PCNX2: variants seen among roughly 807,000 people sequenced by gnomAD.
The protein encoded by PCNX2 is pecanex-like protein 2.
Under a neutral mutation model 223.8 loss-of-function variants are expected in PCNX2, and 168 were observed. That is an observed-to-expected ratio of 0.75 (90% CI 0.66 to 0.85). The LOEUF (loss-of-function observed/expected upper bound fraction) is 0.85, where lower values mean the gene tolerates loss of function less well. PCNX2 is among the 40% of genes least tolerant of loss of function. PCNX2 has a pLI of 0.00. For synonymous variants in PCNX2, 1,006 were observed against 1,052.6 expected (o/e 0.96, Z 0.86); for missense variants, 2,507 against 2,675.5 (o/e 0.94, Z 1.39).
Position 232,986,379 on chromosome 1 carries a change from G to C in PCNX2, c.5953C>G (p.Leu1985Val). Residue 1985 changes from leucine (L) to valine (V), a missense_variant, in exon 33 of 34, where the codon CTC becomes GTC. Coordinates refer to ENST00000258229, the MANE Select transcript of PCNX2 (RefSeq NM_014801.4). Reference protein sequence around the residue: ...ELAQRLSGSRLSLHASATSLH... With the variant: ...ELAQRLSGSRVSLHASATSLH... ...GACGTGGCCGAGGCGTGCAAGGAGA[G>C]CCGGCTGCCCGAGAGCCTCTGGGCC... The C allele has an allele frequency of 1.2e-6, 2 of 1,603,444 alleles. No homozygotes were observed. The highest frequency in any genetic ancestry group is 1.7e-6 in the Non-Finnish European group (2 of 1,174,842).
chr1:233,241,152 AG>A (rs1658737358), intron 8 of PCNX2: 2 of 981,702 alleles, frequency 2.0e-6, no homozygotes, highest in Non-Finnish European at 2.4e-6. Flanking sequence ...GAATTTTAAC[AG>A]GGATTCTTGT....
chr1:233,299,120 C>G (rs760453106), upstream of PCNX2, among the ~76,000 whole-genome samples: 18 of 152,158 alleles, frequency 1.2e-4, no homozygotes, highest in Non-Finnish European at 1.6e-4. Context: ...GCAATTCCTT[C>G]CATTGTGCCT....
chr1:233,314,651 T>C, the PCNX2 span, among the ~76,000 whole-genome samples: 161 of 152,282 alleles, frequency 1.1e-3, no homozygotes, highest in Middle Eastern at 3.4e-3. Context: ...ATATTCTGTA[T>C]AAATGGAAGC....
chr1:232,999,313 G>C lies in PCNX2; in HGVS notation c.5395C>G (p.Arg1799Gly). 1.2e-6 allele frequency: 2 copies of C among 1,606,974 alleles called. No individual in the cohort carries two copies. The highest frequency in any genetic ancestry group is 1.7e-4 in the Middle Eastern group (1 of 5,992). The change falls in exon 31 of 34, where the codon CGC (arginine) becomes GGC (glycine). Residue 1799 changes from arginine to glycine, a missense_variant. Physicochemically the swap from Arg to Gly is moderately radical, Grantham distance 125. Around this residue, in one of 3 missense-constraint regions of PCNX2, gnomAD observed 1,372 missense variants for 1,509.4 expected, o/e 0.91. Transcript: ENST00000258229. ...TGGATACTGCCGCGCTCCGGATTGC[G>C]GTTGCGAAGAAATATAAGCTCCTGC... is the stretch of plus-strand genomic sequence containing the variant. The part of the protein sequence containing the change: ...QQQELIFLRN[R>G]NPERGSIQNN...
At chr1:233,211,532 G>A (rs1046166032) in intron 12 of PCNX2, among the ~76,000 whole-genome samples, 1 of 152,042 alleles carries the variant, frequency 6.6e-6, no homozygotes, top group Admixed American at 6.6e-5. Context: ...CCTACTTCAA[G>A]TGTATTCATG....
At chr1:233,154,493 T>G (rs1452498292) in intron 19 of PCNX2, among the ~76,000 whole-genome samples, 2 of 152,214 alleles carry the variant, frequency 1.3e-5, no homozygotes, top group Admixed American at 1.3e-4. Context: ...CAAACTACCC[T>G]TTACTTCAAG....
At chr1:233,074,594 CAAAAAAAAAAAAAAA>C (rs531631109) in intron 23 of PCNX2, among the ~76,000 whole-genome samples, 2 of 47,702 alleles carry the variant, frequency 4.2e-5, no homozygotes, top group East Asian at 1.6e-3. Context: ...GACTCCGTCT[CAAAAAAAAAAAAAAA>C]AAAAAAAAAA....
the PCNX2 span, among the ~76,000 whole-genome samples, chr1:233,318,167 A>T: frequency 6.6e-6 from 1 of 152,224 alleles, no homozygotes; most frequent in Non-Finnish European, 1.5e-5. Context: ...CTATTGAGCT[A>T]CTAATAATCT....
At chr1:233,267,943 G>C (rs762254194) in intron 1 of PCNX2, among the ~76,000 whole-genome samples, 1 of 151,958 alleles carries the variant, frequency 6.6e-6, no homozygotes. Flanking sequence ...AGACAGTCTT[G>C]CTCTGTTGTT....
In PCNX2 at chr1:233,160,431, T is replaced by G; in HGVS notation, c.3369A>C (p.Pro1123=). ...SASTVFLSLR[P]FLSIVLFALA... ...AGGCAAACAGCACGATGCTGAGAAA[T>G]GGCTGCGATAAAAATGGGCAGAATC... Residue 1123 remains proline (P), a splice_region_variant and synonymous_variant, in exon 19 of 34, where the codon CCA becomes CCC. Transcript: ENST00000258229. The G allele has an allele frequency of 6.2e-7, 1 of 1,613,400 alleles. No individual in the cohort carries two copies.
Position 232,984,108 on chromosome 1 carries a change from ATTTTTT to A in PCNX2, c.*190_*195del, listed in dbSNP as rs373209360. Reference sequence around the variant, plus strand: ...GAGGTTTTTTTGTTGTTGTTGTTTGATTTTTTTTTTTTTTTTTTTTTTTTTTTCAAA... The same window carrying A: ...GAGGTTTTTTTGTTGTTGTTGTTTGATTTTTTTTTTTTTTTTTTTTTCAAA... On this transcript the variant is annotated 3_prime_UTR_variant, in exon 34 of 34. Transcript: ENST00000258229. 9.2e-4 allele frequency: 125 copies of A among 135,150 alleles called. 1 individual carries two copies. Among genetic ancestry groups the A allele is most frequent in the African/African-American group, 7.2e-3 (112 of 15,462 alleles). The allele number at this position is 135,150 out of a possible 1,614,324, so 8.4% of individuals were successfully genotyped here. A position where few individuals can be genotyped will look rare whatever the true frequency, so the allele number is the denominator to read the frequency against.
At position 233,203,919 on chromosome 1, in the gene PCNX2, T is replaced by A. The variant is rs530507847; in HGVS notation, c.2864-3655A>T. Among the ~76,000 whole-genome samples, 3 of 152,292 alleles carry A rather than the reference T, an allele frequency of 2.0e-5. No individual in the cohort carries two copies. In the East Asian group the frequency reaches 5.8e-4, roughly 29 times the overall value. ...GCACCTGCCAGAGGAGGACCACTTG[T>A]ACCCAACACAGCATGAGAAGCACAA... On this transcript the variant is annotated intron_variant, in intron 13 of 33. Coordinates refer to ENST00000258229, the MANE Select transcript of PCNX2 (RefSeq NM_014801.4).
chr1:233,148,546 G>A (rs1038754417), intron 19 of PCNX2, among the ~76,000 whole-genome samples: 5 of 151,682 alleles, frequency 3.3e-5, no homozygotes, highest in Non-Finnish European at 7.4e-5. Context: ...GATTACATGA[G>A]TGTGCCACTA....
At chr1:233,325,510 A>AAC in the PCNX2 span, among the ~76,000 whole-genome samples, 1 of 150,916 alleles carries the variant, frequency 6.6e-6, no homozygotes, top group Admixed American at 6.6e-5. Flanking sequence ...TACAAAAAAA[A>AAC]AAAAAACCAA....
rs1446215809 is a variant in PCNX2, at chr1:233,262,082, C to T, written c.443G>A (p.Gly148Glu). ...AGAGTGATGAGAGGTTATGCTTTGCCCTCTGGAGCTGCAGCGGAGGGGAGG... is the reference window on the plus strand; with the variant it reads ...AGAGTGATGAGAGGTTATGCTTTGCTCTCTGGAGCTGCAGCGGAGGGGAGG... ...STPPLRCSSR[G>E]QSITSHHSSG... Residue 148 changes from glycine to glutamate, a missense_variant, in exon 3 of 34, where the codon GGG becomes GAG. Physicochemically the swap from Gly to Glu is moderately conservative, Grantham distance 98. Coordinates refer to ENST00000258229, the MANE Select transcript of PCNX2 (RefSeq NM_014801.4). 6.2e-7 allele frequency: 1 copy of T among 1,613,850 alleles called. No homozygotes were observed. The highest frequency in any genetic ancestry group is 1.3e-5 in the African/African-American group (1 of 75,040).
chr1:233,142,011 G>A (rs985968133), intron 19 of PCNX2, among the ~76,000 whole-genome samples: 6 of 152,266 alleles, frequency 3.9e-5, no homozygotes, highest in African/African-American at 1.2e-4. Flanking sequence ...AGTGACAGAT[G>A]AAACAGGGAG....
chr1:233,009,757 G>T (rs190909523), intron 28 of PCNX2, among the ~76,000 whole-genome samples: 8 of 152,158 alleles, frequency 5.3e-5, no homozygotes, highest in Non-Finnish European at 1.2e-4. Flanking sequence ...TTCTGATCAA[G>T]CTCCCTCTGT....
intron 15 of PCNX2, among the ~76,000 whole-genome samples, chr1:233,193,618 A>G (rs1415344234): frequency 6.6e-6 from 1 of 152,226 alleles, no homozygotes; most frequent in African/African-American, 2.4e-5. Context: ...TGACAACAAG[A>G]AAAAGCCAGA....
intron 21 of PCNX2, among the ~76,000 whole-genome samples, chr1:233,101,857 TA>T (rs1674498504): frequency 6.6e-6 from 1 of 152,204 alleles, no homozygotes; most frequent in East Asian, 1.9e-4. Flanking sequence ...AAACTTCATT[TA>T]CCAGTGCTGG....
Sources: allele counts gnomAD v4.1 joint callset (sites outside exome capture counted in the v4.1 genomes callset), GRCh38; gene constraint gnomAD v4.1.1; regional missense constraint gnomAD v4.1.1; transcripts MANE v1.5; gene names NCBI Gene and HGNC (gene_info 2026-07-23, HGNC 2026-07-21).